DICER1: variants seen among roughly 807,000 people sequenced by gnomAD.
DICER1 encodes endoribonuclease Dicer.
Under a neutral mutation model 194.1 loss-of-function variants are expected in DICER1, and 43 were observed. The observed-to-expected ratio is 0.22, with a 90% CI of 0.17 to 0.29. The LOEUF (loss-of-function observed/expected upper bound fraction) is 0.29, where lower values mean the gene tolerates loss of function less well. Ranked by LOEUF, DICER1 falls within the 10% of genes least tolerant of loss-of-function variation. DICER1 has a pLI of 1.00. For missense variants in DICER1, 1,608 were observed against 2,317.0 expected (o/e 0.69, Z 6.28); for synonymous variants, 832 against 820.5 (o/e 1.01, Z -0.24).
intron 1 of DICER1, among the ~76,000 whole-genome samples, chr14:95,139,581 T>C (rs973363822): frequency 4.0e-4 from 61 of 152,240 alleles, no homozygotes; most frequent in African/African-American, 1.3e-3. Context: ...TGAGTCTCAT[T>C]CTTTGCACCT....
intron 1 of DICER1, among the ~76,000 whole-genome samples, chr14:95,139,579 A>C (rs1390705750): frequency 6.6e-6 from 1 of 152,232 alleles, no homozygotes; most frequent in Non-Finnish European, 1.5e-5. Flanking sequence ...CATGAGTCTC[A>C]TTCTTTGCAC....
At chr14:95,104,628 T>C (rs1479267770) in intron 20 of DICER1, among the ~76,000 whole-genome samples, 1 of 152,270 alleles carries the variant, frequency 6.6e-6, no homozygotes. Context: ...ATTCCTATTA[T>C]ATTTTAAAAT....
chr14:95,103,365 G>GA lies in DICER1; in HGVS notation c.4030dup (p.Ser1344PhefsTer12). 1 of 1,614,118 alleles carries GA rather than the reference G, an allele frequency of 6.2e-7. No individual in the cohort carries two copies. The highest frequency in any genetic ancestry group is 8.5e-7 in the Non-Finnish European group (1 of 1,180,010). ...TCTTACCTTTTTGCTTCTCATATAT[G>GA]AAAGGCGGCCCTCATGCGCATCAGG... is the stretch of plus-strand genomic sequence containing the variant. On this transcript the variant is annotated frameshift_variant, in exon 21 of 27. Coordinates refer to ENST00000343455, the MANE Select transcript of DICER1 (RefSeq NM_177438.3). LOFTEE classifies it high-confidence loss of function.
At chr14:95,131,919 T>A (rs1181362386) in intron 3 of DICER1, among the ~76,000 whole-genome samples, 2 of 152,156 alleles carry the variant, frequency 1.3e-5, no homozygotes, top group Non-Finnish European at 2.9e-5. Context: ...TCCTGTTTTC[T>A]TCAATAAAAT....
chr14:95,098,932 C>G (rs1444651110), intron 22 of DICER1, among the ~76,000 whole-genome samples: 1 of 151,998 alleles, frequency 6.6e-6, no homozygotes, highest in African/African-American at 2.4e-5. Flanking sequence ...ATATAGGATA[C>G]ATGCATCACA....
chr14:95,087,330 TA>T lies in DICER1; in HGVS notation c.*3167del, dbSNP rs1889413799. 4.3e-6 allele frequency: 1 copy of T among 233,038 alleles called. No individual in the cohort carries two copies. Among genetic ancestry groups the T allele is most frequent in the Non-Finnish European group, 8.5e-6 (1 of 117,826 alleles). The allele number at this position is 233,038 out of a possible 1,614,324, so 14.4% of individuals were successfully genotyped here. A position where few individuals can be genotyped will look rare whatever the true frequency, so the allele number is the denominator to read the frequency against. On this transcript the variant is annotated 3_prime_UTR_variant, in exon 27 of 27. Coordinates refer to ENST00000343455, the MANE Select transcript of DICER1 (RefSeq NM_177438.3). ...CTAAATTTCATCACTTCACGTAATA[TA>T]AAAGAAAAAAGAAAAGAAATATAAC...
In DICER1 at chr14:95,104,111, G is replaced by A. The variant is rs753475946; in HGVS notation, c.3285C>T (p.Asp1095=). The change falls in exon 21 of 27, where the codon GAC becomes GAT. Residue 1095 remains aspartate, a synonymous_variant. Transcript: ENST00000343455. ...TGTCAATAGATTTTTTCCACCCGAA[G>A]TCTAAGTTAGGGTATCTGCAAAGAC... ...LPADFRYPNL[D]FGWKKSIDSK... 6.2e-6 allele frequency: 10 copies of A among 1,612,930 alleles called. No homozygotes were observed. The highest frequency in any genetic ancestry group is 8.5e-6 in the Non-Finnish European group (10 of 1,179,716).
At chr14:95,140,256 A>G (rs986705475) in intron 1 of DICER1, among the ~76,000 whole-genome samples, 5 of 152,162 alleles carry the variant, frequency 3.3e-5, no homozygotes, top group African/African-American at 1.2e-4. Flanking sequence ...TCATGCACCC[A>G]ATAACAATGT....
chr14:95,111,153 G>A (rs1445231635), intron 14 of DICER1, among the ~76,000 whole-genome samples, 164 bp downstream of exon 14: 1 of 152,130 alleles, frequency 6.6e-6, no homozygotes, highest in Non-Finnish European at 1.5e-5. Context: ...GAAGGAAAGA[G>A]GCTGATCTGA....
intron 1 of DICER1, among the ~76,000 whole-genome samples, chr14:95,148,481 G>A (rs1468458679): frequency 6.6e-6 from 1 of 152,158 alleles, no homozygotes; most frequent in East Asian, 1.9e-4. Context: ...CAGTATCATA[G>A]TACCTACAAT....
intron 1 of DICER1, among the ~76,000 whole-genome samples, chr14:95,151,440 A>G (rs1895505036): frequency 6.6e-6 from 1 of 152,236 alleles, no homozygotes; most frequent in Non-Finnish European, 1.5e-5. Context: ...AAAGAAAAAT[A>G]TTACATTAAT....
chr14:95,136,766 A>T (rs533133796), intron 1 of DICER1: 1 of 152,242 alleles, frequency 6.6e-6, no homozygotes, highest in South Asian at 2.1e-4. Context: ...CTGCAATTAC[A>T]CTACACAGAC....
rs199526737 is a variant in DICER1 at position 95,103,632 on chromosome 14, C to T, written c.3764G>A (p.Ser1255Asn). Residue 1255 changes from serine to asparagine, a missense_variant, in exon 21 of 27, where the codon AGT becomes AAT. Ser to Asn is a conservative substitution (Grantham distance 46, BLOSUM62 1). Transcript: ENST00000343455. Reference sequence around the variant, plus strand: ...ACCAGGCATTACGGCCATCACAGGACTTCCATCTGAGGTAGATTTGTTAGC... The same window carrying T: ...ACCAGGCATTACGGCCATCACAGGATTTCCATCTGAGGTAGATTTGTTAGC... The part of the protein sequence containing the change: ...GNANKSTSDG[S>N]PVMAVMPGTT... The T allele has an allele frequency of 6.2e-7, 1 of 1,614,176 alleles. No homozygotes were observed. Among genetic ancestry groups the T allele is most frequent in the Non-Finnish European group, 8.5e-7 (1 of 1,180,034 alleles).
rs748703376 is a variant in DICER1 at position 95,126,682 on chromosome 14, A to G, written c.801T>C (p.Tyr267=). 3.1e-6 allele frequency: 5 copies of G among 1,605,358 alleles called. No homozygotes were observed. The African/African-American group carries it at 4.0e-5, about 13-fold the overall frequency. Residue 267 remains tyrosine (Y), a synonymous_variant, in exon 7 of 27, where the codon TAT becomes TAC. Transcript: ENST00000343455. ...CTTCTAATTCCATCAGCAGTCTTTC[A>G]TAAAGCCCACTTCTGTCAGTAAATG... ...CGPFTDRSGL[Y]ERLLMELEEA...
In DICER1 at chr14:95,087,459, C is replaced by T. The variant is rs768690462; in HGVS notation, c.*3039G>A. 8 of 233,052 alleles carry T rather than the reference C, an allele frequency of 3.4e-5. No homozygotes were observed. Among genetic ancestry groups the T allele is most frequent in the South Asian group, 1.8e-4 (1 of 5,520 alleles). The allele number at this position is 233,052 out of a possible 1,614,324, so 14.4% of individuals were successfully genotyped here. A position where few individuals can be genotyped will look rare whatever the true frequency, so the allele number is the denominator to read the frequency against. On this transcript the variant is annotated 3_prime_UTR_variant, in exon 27 of 27. Transcript: ENST00000343455. Reference sequence around the variant, plus strand: ...ACAAAAATGACCTATTTAAGTTGTGCGAGTATATGACACATTGCAGGCATT... The same window carrying T: ...ACAAAAATGACCTATTTAAGTTGTGTGAGTATATGACACATTGCAGGCATT...
At position 95,124,302 on chromosome 14, in the gene DICER1, T is replaced by C. The variant is rs954767129; in HGVS notation, c.1270A>G (p.Ile424Val). The C allele has an allele frequency of 6.2e-7, 1 of 1,614,046 alleles. No homozygotes were observed. Among genetic ancestry groups the C allele is most frequent in the Non-Finnish European group, 8.5e-7 (1 of 1,179,982 alleles). ...GTCTCTGGCTTCTCTTTTTCTTCAA[T>C]TTCTTCATCCTCATCATCATCCTCA... Reference protein sequence around the residue: ...DSEDDDEDEEIEEKEKPETNF... With the variant: ...DSEDDDEDEEVEEKEKPETNF... Residue 424 changes from isoleucine (I) to valine (V), a missense_variant, in exon 8 of 27, where the codon ATT becomes GTT. Physicochemically the swap from Ile to Val is conservative, Grantham distance 29. This residue lies in a region of DICER1 where 657 missense variants were observed against 910.1 expected (regional missense o/e 0.72). Transcript: ENST00000343455. This position sits in a 1 kb window ranked among gnomAD's most constrained non-coding sequence, Gnocchi z 4.5.
At chr14:95,102,211 A>G (rs1196039353) in intron 21 of DICER1, among the ~76,000 whole-genome samples, 1 of 152,130 alleles carries the variant, frequency 6.6e-6, no homozygotes, top group Non-Finnish European at 1.5e-5. Context: ...CACTCACCTC[A>G]GCCCCTTCCT....
rs1890350917 is a variant in DICER1, at chr14:95,096,485, A to G, written c.4435T>C (p.Tyr1479His). 6.2e-7 allele frequency: 1 copy of G among 1,614,078 alleles called. No individual in the cohort carries two copies. The highest frequency in any genetic ancestry group is 1.3e-5 in the African/African-American group (1 of 74,936). The change falls in exon 23 of 27, where the codon TAT (tyrosine) becomes CAT (histidine). Residue 1479 changes from tyrosine (Y) to histidine (H), a missense_variant. By Grantham distance (83) the Tyr-to-His change is moderately conservative. This residue lies in a region of DICER1 where 164 missense variants were observed against 183.7 expected (regional missense o/e 0.89). Coordinates refer to ENST00000343455, the MANE Select transcript of DICER1 (RefSeq NM_177438.3). ...LSPFSTTDSA[Y>H]EWKMPKKSSL... ...GATTTTTTGGGCATTTTCCATTCATATGCAGAATCAGTGGTTGAAAAAGGA... is the reference window on the plus strand; with the variant it reads ...GATTTTTTGGGCATTTTCCATTCATGTGCAGAATCAGTGGTTGAAAAAGGA...
intron 22 of DICER1, among the ~76,000 whole-genome samples, chr14:95,098,896 C>T (rs1484998603): frequency 6.6e-5 from 10 of 152,064 alleles, no homozygotes; most frequent in Non-Finnish European, 1.5e-4. Flanking sequence ...ACTGAACATG[C>T]TACCTGGAAA....
Sources: allele counts gnomAD v4.1 joint callset (sites outside exome capture counted in the v4.1 genomes callset), GRCh38; gene constraint gnomAD v4.1.1; regional missense constraint gnomAD v4.1.1; non-coding constraint Gnocchi (gnomAD v3.1); transcripts MANE v1.5; gene names NCBI Gene and HGNC (gene_info 2026-07-23, HGNC 2026-07-21).